KCND2: variants seen among roughly 807,000 people sequenced by gnomAD.
The protein encoded by KCND2 is A-type voltage-gated potassium channel KCND2.
In KCND2, 16 loss-of-function variants were observed where a neutral mutation model predicts 54.4. That is an observed-to-expected ratio of 0.29 (90% CI 0.20 to 0.45). The LOEUF is 0.45. Among genes scored for constraint, KCND2 ranks in the 20% least tolerant of loss-of-function variants. The pLI is 1.00. For synonymous variants in KCND2, 317 were observed against 310.7 expected (o/e 1.02, Z -0.21); for missense variants, 486 against 824.2 (o/e 0.59, Z 5.02).
At chr7:120,500,888 T>C (rs1422973467) in intron 1 of KCND2, among the ~76,000 whole-genome samples, 3 of 151,722 alleles carry the variant, frequency 2.0e-5, no homozygotes. Context: ...CCAATGTCTA[T>C]GAGTAAATAT....
intron 1 of KCND2, among the ~76,000 whole-genome samples, chr7:120,358,852 A>G (rs1239036696): frequency 6.6e-6 from 1 of 152,192 alleles, no homozygotes; most frequent in Non-Finnish European, 1.5e-5. Context: ...TCATACAAGT[A>G]AGTTATGTTT....
At chr7:120,604,357 A>T (rs1054308058) in intron 1 of KCND2, among the ~76,000 whole-genome samples, 3 of 147,094 alleles carry the variant, frequency 2.0e-5, no homozygotes, top group East Asian at 1.9e-4. Flanking sequence ...AAAAAAAAAA[A>T]AGGAAGTAGC....
intron 1 of KCND2, among the ~76,000 whole-genome samples, chr7:120,508,726 T>C (rs1052840357): frequency 1.3e-5 from 2 of 151,962 alleles, no homozygotes; most frequent in Non-Finnish European, 2.9e-5. Context: ...CTGAATAATA[T>C]GTAAAATAAT....
At chr7:120,630,165 G>A (rs1793215579) in intron 1 of KCND2, among the ~76,000 whole-genome samples, 1 of 151,802 alleles carries the variant, frequency 6.6e-6, no homozygotes, top group Admixed American at 6.6e-5. Context: ...GTGTAGATAA[G>A]TAGTTAGCAA....
intron 1 of KCND2, among the ~76,000 whole-genome samples, chr7:120,500,057 A>G (rs1457431707): frequency 2.0e-5 from 3 of 152,190 alleles, no homozygotes; most frequent in Non-Finnish European, 4.4e-5. Flanking sequence ...ATCTTCATGA[A>G]ATTATATATG....
intron 1 of KCND2, among the ~76,000 whole-genome samples, chr7:120,538,234 G>A (rs1387921629): frequency 6.6e-6 from 1 of 152,148 alleles, no homozygotes; most frequent in Non-Finnish European, 1.5e-5. Context: ...AGAGCAGTCA[G>A]AATATACACA....
intron 1 of KCND2, among the ~76,000 whole-genome samples, chr7:120,674,642 T>TA (rs1199773682): frequency 6.6e-6 from 1 of 152,180 alleles, no homozygotes; most frequent in Non-Finnish European, 1.5e-5. Context: ...TCCCTCCAGA[T>TA]ACTAAATTTT....
Position 120,497,568 on chromosome 7 carries a change from A to T in KCND2, c.1115+221821A>T, listed in dbSNP as rs182586837. Among the ~76,000 whole-genome samples, 5 of 152,312 alleles carry T rather than the reference A, an allele frequency of 3.3e-5. No individual in the cohort carries two copies. The East Asian group carries it at 9.6e-4, about 29-fold the overall frequency. On this transcript the variant is annotated intron_variant, in intron 1 of 5. Coordinates refer to ENST00000331113, the MANE Select transcript of KCND2 (RefSeq NM_012281.3). Reference sequence around the variant, plus strand: ...AGCTCTGCTCCATAAAGTGCTGAGGATTCCATGTACCTTCCAGCCATCCAC... The same window carrying T: ...AGCTCTGCTCCATAAAGTGCTGAGGTTTCCATGTACCTTCCAGCCATCCAC...
In KCND2 at chr7:120,717,400, T is replaced by C. The variant is rs529114451; in HGVS notation, c.1116-15503T>C. 7.2e-5 allele frequency among the ~76,000 whole-genome samples: 11 copies of C among 152,276 alleles called. No individual in the cohort carries two copies. In the East Asian group the frequency reaches 2.1e-3, roughly 29 times the overall value. On this transcript the variant is annotated intron_variant, in intron 1 of 5. Coordinates refer to ENST00000331113, the MANE Select transcript of KCND2 (RefSeq NM_012281.3). The stretch of plus-strand genomic sequence containing the variant: ...GACATTTCATCATTCTATTTAGAAG[T>C]GCACGTTCCTTAAAACTTATGAATT...
chr7:120,691,816 C>G (rs1220075617), intron 1 of KCND2, among the ~76,000 whole-genome samples: 2 of 152,098 alleles, frequency 1.3e-5, no homozygotes, highest in African/African-American at 2.4e-5. Flanking sequence ...CCGAATCACT[C>G]CAGTGCAAAG....
At position 120,491,065 on chromosome 7, in the gene KCND2, C is replaced by T. The variant is rs138602237; in HGVS notation, c.1115+215318C>T. 2.8e-3 allele frequency among the ~76,000 whole-genome samples: 421 copies of T among 152,214 alleles called. 2 individuals are homozygous for T. The highest frequency in any genetic ancestry group is 5.2e-3 in the Non-Finnish European group (357 of 68,002). On this transcript the variant is annotated intron_variant, in intron 1 of 5. Coordinates refer to ENST00000331113, the MANE Select transcript of KCND2 (RefSeq NM_012281.3). Reference sequence around the variant, plus strand: ...GCTGAGACATAGGGGAGAAATCCTGCCACCCATGCTTCTCATATAGGAGCA... The same window carrying T: ...GCTGAGACATAGGGGAGAAATCCTGTCACCCATGCTTCTCATATAGGAGCA...
chr7:120,365,001 G>A (rs964423245), intron 1 of KCND2, among the ~76,000 whole-genome samples: 4 of 151,892 alleles, frequency 2.6e-5, no homozygotes, highest in Admixed American at 2.0e-4. Flanking sequence ...AAAGAAAAAT[G>A]TTAAAATACA....
At chr7:120,357,825 GAT>G (rs1800527904) in intron 1 of KCND2, among the ~76,000 whole-genome samples, 3 of 152,034 alleles carry the variant, frequency 2.0e-5, no homozygotes, top group African/African-American at 7.2e-5. Context: ...CTCTTATAAG[GAT>G]ATGAGTTCTG....
At chr7:120,544,203 G>A (rs982335584) in intron 1 of KCND2, among the ~76,000 whole-genome samples, 1 of 151,896 alleles carries the variant, frequency 6.6e-6, no homozygotes, top group Non-Finnish European at 1.5e-5. Flanking sequence ...AAGAGTTGAG[G>A]TTATATGTTA....
rs944388169 is a variant in KCND2, at chr7:120,308,176, G to GA, written c.1115+32437dup. Among the ~76,000 whole-genome samples, 7 of 151,690 alleles carry GA rather than the reference G, an allele frequency of 4.6e-5. 1 individual carries two copies. The South Asian group carries it at 1.2e-3, about 27-fold the overall frequency. On this transcript the variant is annotated intron_variant, in intron 1 of 5. Transcript: ENST00000331113. ...GGGCTTTACTAAAGAGGGAGAGAGA[G>GA]AAAAAAAATCTCTCTTAGCCATATC... is the stretch of plus-strand genomic sequence containing the variant.
intron 2 of KCND2, among the ~76,000 whole-genome samples, chr7:120,737,035 TACACACACACACACACAC>T (rs768582158): frequency 2.0e-5 from 2 of 98,754 alleles, no homozygotes; most frequent in East Asian, 2.6e-4. Flanking sequence ...CTGGAAAGCT[TACACACACACACACACAC>T]ACACACACAC....
At chr7:120,526,771 TACTC>T (rs1313252231) in intron 1 of KCND2, among the ~76,000 whole-genome samples, 18 of 152,190 alleles carry the variant, frequency 1.2e-4, no homozygotes, top group East Asian at 5.8e-4. Flanking sequence ...AATGCTATGA[TACTC>T]ACACTGGACA....
intron 1 of KCND2, among the ~76,000 whole-genome samples, chr7:120,321,221 T>G (rs1266731569): frequency 6.6e-6 from 1 of 152,200 alleles, no homozygotes; most frequent in Non-Finnish European, 1.5e-5. Context: ...ATAATCATAA[T>G]AACTTGTGAC....
intron 1 of KCND2, among the ~76,000 whole-genome samples, chr7:120,528,846 A>G (rs1043961176): frequency 2.0e-5 from 3 of 152,152 alleles, no homozygotes; most frequent in Non-Finnish European, 4.4e-5. Flanking sequence ...TGATTTATAT[A>G]AGAGAATAAG....
Sources: gnomAD v4.1 joint callset for allele counts (sites outside exome capture counted in the v4.1 genomes callset) on GRCh38, gnomAD v4.1.1 for gene constraint, MANE v1.5 for transcripts, NCBI Gene and HGNC (gene_info 2026-07-23, HGNC 2026-07-21) for gene names.